The following NF2 variants were observed in gnomAD, a reference collection of about 807,000 sequenced individuals.
NF2 encodes NF2, moesin-ezrin-radixin like (MERLIN) tumor suppressor, also known as merlin.
Under a neutral mutation model 83.7 loss-of-function variants are expected in NF2, and 8 were observed. The ratio of observed to expected loss-of-function variants is 0.10; its 90% CI spans 0.06 to 0.17. The LOEUF is 0.17. Ranked by LOEUF, NF2 falls within the 10% of genes least tolerant of loss-of-function variation. The pLI is 1.00. For synonymous variants in NF2, 266 were observed against 269.6 expected, an observed-to-expected ratio of 0.99 and a Z score of 0.13; for missense variants, 533 against 744.4, an observed-to-expected ratio of 0.72 and a Z score of 3.31.
At chr22:29,610,510 G>T (rs1326865053) in intron 1 of NF2, among the ~76,000 whole-genome samples, 1 of 152,006 alleles carries the variant, frequency 6.6e-6, no homozygotes, top group Admixed American at 6.6e-5. Context: ...GAGCATGGTG[G>T]AGTGCGCCTG....
rs774373946 is a variant in NF2 at position 29,674,935 on chromosome 22, G to A, written c.1440G>A (p.Thr480=). 1.7e-5 allele frequency: 27 copies of A among 1,564,720 alleles called. No individual in the cohort carries two copies. Among genetic ancestry groups the A allele is most frequent in the Non-Finnish European group, 2.3e-5 (26 of 1,153,904 alleles). Residue 480 remains threonine, a synonymous_variant, in exon 13 of 16, where the codon ACG becomes ACA. Coordinates refer to ENST00000338641, the MANE Select transcript of NF2 (RefSeq NM_000268.4). ...TCCTGGAGATTGCCACCAAGCCCAC[G>A]TACCCGGTGAGCCTGGGGGCCACCA... ...QKLLEIATKP[T]YPPMNPIPAP... is the part of the protein sequence containing the mutation.
chr22:29,667,579 G>A (rs182259083), intron 9 of NF2, among the ~76,000 whole-genome samples: 89 of 152,124 alleles, frequency 5.9e-4, no homozygotes, highest in Admixed American at 1.3e-3. Flanking sequence ...TGGAGATGGC[G>A]TCTCACTATG....
At chr22:29,619,685 G>A (rs1489362601) in intron 1 of NF2, among the ~76,000 whole-genome samples, 1 of 151,954 alleles carries the variant, frequency 6.6e-6, no homozygotes, top group Non-Finnish European at 1.5e-5. Flanking sequence ...ATGAGCCACC[G>A]TGCCCGACCT....
At chr22:29,665,543 C>T (rs890894032) in intron 9 of NF2, among the ~76,000 whole-genome samples, 4 of 152,006 alleles carry the variant, frequency 2.6e-5, no homozygotes, top group Non-Finnish European at 4.4e-5. Flanking sequence ...TGCGCCCAGC[C>T]GATGAGGAAT....
rs1450017367 is a variant in NF2, at chr22:29,694,634, A to C, written c.1738-118A>C. On this transcript the variant is annotated intron_variant, in intron 15 of 15. Coordinates refer to ENST00000338641, the MANE Select transcript of NF2 (RefSeq NM_000268.4). The surrounding 1 kb of genome is among the most constrained non-coding windows in gnomAD (Gnocchi z 4.1). Reference sequence around the variant, plus strand: ...AGCCAACTTCTTGAGCATCTATTTGAACAGCCTTCCCTTTCGCTCCCAGCC... The same window carrying C: ...AGCCAACTTCTTGAGCATCTATTTGCACAGCCTTCCCTTTCGCTCCCAGCC... 9.9e-7 allele frequency: 1 copy of C among 1,014,242 alleles called. No homozygotes were observed. The highest frequency in any genetic ancestry group is 1.5e-6 in the Non-Finnish European group (1 of 655,154). 62.8% of individuals were successfully genotyped at this position (1,014,242 alleles called of 1,614,324 possible).
intron 15 of NF2, among the ~76,000 whole-genome samples, chr22:29,685,182 A>G (rs2147137907): frequency 6.6e-6 from 1 of 151,986 alleles, no homozygotes; most frequent in Middle Eastern, 3.4e-3. Flanking sequence ...TTCTCGGCTC[A>G]CTGCAACCTC....
Position 29,695,161 on chromosome 22 carries a change from G to A in NF2, c.*359G>A, listed in dbSNP as rs572307337. ...CCGCCCAGCCTGGGAAGTCATTGTA[G>A]GGAGTGAGACACTGAAGCCCTGAGA... On this transcript the variant is annotated 3_prime_UTR_variant, in exon 16 of 16. Coordinates refer to ENST00000338641, the MANE Select transcript of NF2 (RefSeq NM_000268.4). The surrounding 1 kb of genome is among the most constrained non-coding windows in gnomAD (Gnocchi z 5.4). 1,111 of 453,360 alleles carry A rather than the reference G, an allele frequency of 2.5e-3. 2 individuals are homozygous for A. The highest frequency in any genetic ancestry group is 3.4e-3 in the Non-Finnish European group (817 of 243,700). 28.1% of individuals were successfully genotyped at this position (453,360 alleles called of 1,614,324 possible).
chr22:29,671,942 A>G lies in NF2; in HGVS notation c.1116A>G (p.Glu372=), dbSNP rs2066806303. The G allele has an allele frequency of 6.2e-7, 1 of 1,614,082 alleles. No homozygotes were observed. Among genetic ancestry groups the G allele is most frequent in the Non-Finnish European group, 8.5e-7 (1 of 1,180,042 alleles). ...QMKEEATMAN[E]ALMRSEETAD... ...AAGAAGAAGCAACAATGGCCAACGA[A>G]GCACTGGTGATTTCTGAGGGGCTGG... Residue 372 remains glutamate, a synonymous_variant, in exon 11 of 16, where the codon GAA becomes GAG. Coordinates refer to ENST00000338641, the MANE Select transcript of NF2 (RefSeq NM_000268.4).
chr22:29,638,855 CT>C (rs2065721430), intron 2 of NF2, among the ~76,000 whole-genome samples: 1 of 152,204 alleles, frequency 6.6e-6, no homozygotes, highest in Non-Finnish European at 1.5e-5. Flanking sequence ...CCTAGCTCTG[CT>C]CACTTCTTGG....
chr22:29,607,291 T>C (rs1269877211), intron 1 of NF2, among the ~76,000 whole-genome samples: 2 of 151,658 alleles, frequency 1.3e-5, no homozygotes, highest in African/African-American at 4.9e-5. Context: ...AAGTTATGCC[T>C]CAGTGTGTTG....
intron 1 of NF2, among the ~76,000 whole-genome samples, chr22:29,632,485 T>G (rs2065541209): frequency 6.6e-6 from 1 of 152,214 alleles, no homozygotes; most frequent in Non-Finnish European, 1.5e-5. Flanking sequence ...AGCCCACTCC[T>G]GGGGTTTTTA....
intron 15 of NF2, chr22:29,683,655 G>C (rs1303728515): frequency 2.4e-5 from 26 of 1,081,320 alleles, no homozygotes; most frequent in Non-Finnish European, 2.8e-5. Context: ...TGAGTCCACG[G>C]GGAGTGGACT....
rs1569302357 is a variant in NF2, at chr22:29,668,423, A to G, written c.976A>G (p.Arg326Gly). 1 of 1,613,812 alleles carries G rather than the reference A, an allele frequency of 6.2e-7. No homozygotes were observed. Among genetic ancestry groups the G allele is most frequent in the Non-Finnish European group, 8.5e-7 (1 of 1,179,738 alleles). Residue 326 changes from arginine to glycine, a missense_variant, in exon 10 of 16, where the codon AGG becomes GGG. Arg to Gly is a moderately radical substitution (Grantham distance 125, BLOSUM62 -2). This residue lies in a region of NF2 where 326 missense variants were observed against 475.1 expected (regional missense o/e 0.69). Coordinates refer to ENST00000338641, the MANE Select transcript of NF2 (RefSeq NM_000268.4). ...LEVQQMKAQA[R>G]EEKARKQMER... ...AGTTCAGCAGATGAAAGCCCAGGCCAGGGAGGAGAAGGCTAGAAAGCAGGT... is the reference window on the plus strand; with the variant it reads ...AGTTCAGCAGATGAAAGCCCAGGCCGGGGAGGAGAAGGCTAGAAAGCAGGT...
At position 29,636,205 on chromosome 22, in the gene NF2, C is replaced by T. The variant is rs748623284; in HGVS notation, c.115-546C>T. On this transcript the variant is annotated intron_variant, in intron 1 of 15. Coordinates refer to ENST00000338641, the MANE Select transcript of NF2 (RefSeq NM_000268.4). This position sits in a 1 kb window ranked among gnomAD's most constrained non-coding sequence, Gnocchi z 4.4. ...GTTAGGCATCCTTGACAGGACAGAC[C>T]TGTGATTGGACTGTCTGGTCTCTCA... Among the ~76,000 whole-genome samples the T allele has an allele frequency of 2.6e-5, 4 of 152,048 alleles. No individual in the cohort carries two copies. Among genetic ancestry groups the T allele is most frequent in the Non-Finnish European group, 5.9e-5 (4 of 68,020 alleles).
At position 29,642,304 on chromosome 22, in the gene NF2, A is replaced by C; in HGVS notation, c.447+19A>C. On this transcript the variant is annotated intron_variant, in intron 4 of 15. Transcript: ENST00000338641. ...GGCCAAGGTAGGCTCAAAGAAGAAA[A>C]ATGTATTTTTCCTGGGCGTTAATTT... is the stretch of plus-strand genomic sequence containing the variant. 1 of 1,609,956 alleles carries C rather than the reference A, an allele frequency of 6.2e-7. No individual in the cohort carries two copies.
intron 1 of NF2, among the ~76,000 whole-genome samples, chr22:29,606,517 A>T (rs2064801911): frequency 6.6e-6 from 1 of 152,204 alleles, no homozygotes; most frequent in Admixed American, 6.5e-5. Context: ...GGAGAGAAGC[A>T]GGCCCTAAAA....
chr22:29,690,976 G>T (rs201834185), intron 15 of NF2, among the ~76,000 whole-genome samples: 2 of 152,340 alleles, frequency 1.3e-5, no homozygotes, highest in East Asian at 3.9e-4. Context: ...CACTGGTCAG[G>T]TTCACCAGAG....
rs761688935 is a variant in NF2, at chr22:29,636,942, C to T, written c.240+66C>T. On this transcript the variant is annotated intron_variant, in intron 2 of 15. Transcript: ENST00000338641. This position sits in a 1 kb window ranked among gnomAD's most constrained non-coding sequence, Gnocchi z 4.4. The stretch of plus-strand genomic sequence containing the variant: ...GCTTTCCAGTTTTTCCCTGAGCAGG[C>T]GCCTAGCTCATCACTGGGGCGCTGT... The T allele has an allele frequency of 1.3e-4, 216 of 1,609,818 alleles. No individual in the cohort carries two copies. Among genetic ancestry groups the T allele is most frequent in the African/African-American group, 5.7e-4 (43 of 74,840 alleles).
At chr22:29,621,870 T>G (rs927010480) in intron 1 of NF2, among the ~76,000 whole-genome samples, 5 of 152,152 alleles carry the variant, frequency 3.3e-5, no homozygotes, top group African/African-American at 7.2e-5. Context: ...TCTCATTTGT[T>G]GCTTGGCAGA....
Sources: gnomAD v4.1 joint callset for allele counts (sites outside exome capture counted in the v4.1 genomes callset) on GRCh38, gnomAD v4.1.1 for gene constraint, gnomAD v4.1.1 regional missense constraint, Gnocchi (gnomAD v3.1) non-coding constraint, MANE v1.5 for transcripts, NCBI Gene and HGNC (gene_info 2026-07-23, HGNC 2026-07-21) for gene names.